Variants in CHMP3 observed in about 807,000 individuals in gnomAD.
CHMP3 encodes charged multivesicular body protein 3.
A neutral mutation model predicts 27.4 loss-of-function variants in CHMP3; 8 were observed. That is an observed-to-expected ratio of 0.29 (90% CI 0.17 to 0.53). The LOEUF is 0.53. CHMP3 is among the 20% of genes least tolerant of loss of function. The pLI is 0.96. For synonymous variants in CHMP3, 86 were observed against 85.5 expected (o/e 1.01, Z -0.03); for missense variants, 208 against 271.5 (o/e 0.77, Z 1.64).
chr2:86,532,365 T>C (rs1350394202), intron 2 of CHMP3, among the ~76,000 whole-genome samples: 1 of 152,148 alleles, frequency 6.6e-6, no homozygotes, highest in Non-Finnish European at 1.5e-5. Context: ...GTATTATACA[T>C]ATAGTATCAG....
intron 3 of CHMP3, chr2:86,511,181 T>C (rs1313989190): frequency 6.6e-6 from 1 of 152,210 alleles, no homozygotes; most frequent in Non-Finnish European, 1.5e-5. Context: ...AGCTGTCATA[T>C]ACAAGCTGTT....
intron 4 of CHMP3, among the ~76,000 whole-genome samples, chr2:86,508,258 G>T (rs1183196585): frequency 6.6e-6 from 1 of 152,176 alleles, no homozygotes; most frequent in Non-Finnish European, 1.5e-5. Flanking sequence ...CAGCCAGTCA[G>T]CCTCCTCTGT....
chr2:86,526,760 G>A (rs1406068916), intron 3 of CHMP3, among the ~76,000 whole-genome samples: 1 of 151,928 alleles, frequency 6.6e-6, no homozygotes, highest in Non-Finnish European at 1.5e-5. Context: ...TATAGAGACA[G>A]GGTTTCATTA....
rs70956121 is a variant in CHMP3, at chr2:86,554,816, C to CGTGTGTGT, written c.45+8480_45+8487dup. On this transcript the variant is annotated intron_variant, in intron 1 of 5. Transcript: ENST00000263856. ...TCAATAGAATAAATGTGTGTGCGCGCGTGTGTGTGTGTGTGTGTGTGTGTG... is the reference window on the plus strand; with the variant it reads ...TCAATAGAATAAATGTGTGTGCGCGCGTGTGTGTGTGTGTGTGTGTGTGTGTGTGTGTG... Among the ~76,000 whole-genome samples, 746 of 145,424 alleles carry CGTGTGTGT rather than the reference C, an allele frequency of 5.1e-3. 3 individuals are homozygous for CGTGTGTGT. The highest frequency in any genetic ancestry group is 9.1e-3 in the East Asian group (46 of 5,046).
rs1674808164 is a variant in CHMP3 at position 86,504,410 on chromosome 2, T to TA, written c.*1393dup. The TA allele has an allele frequency of 1.3e-5, 2 of 151,836 alleles. No homozygotes were observed. Among genetic ancestry groups the TA allele is most frequent in the South Asian group, 4.2e-4 (2 of 4,808 alleles). 9.4% of individuals were successfully genotyped at this position (151,836 alleles called of 1,614,324 possible). A position where few individuals can be genotyped will look rare whatever the true frequency, so the allele number is the denominator to read the frequency against. On this transcript the variant is annotated 3_prime_UTR_variant, in exon 6 of 6. Transcript: ENST00000263856. The stretch of plus-strand genomic sequence containing the variant: ...TTTTGCTGTGAACCTACAACTGATT[T>TA]AAAAAAATAATTATTTAAAATAATT...
intron 2 of CHMP3, among the ~76,000 whole-genome samples, chr2:86,531,741 G>A (rs1036098751): frequency 1.3e-5 from 2 of 152,196 alleles, no homozygotes; most frequent in East Asian, 1.9e-4. Flanking sequence ...CCACTGAATG[G>A]TCTTGCTACC....
At chr2:86,553,546 G>A (rs1676995016) in intron 1 of CHMP3, among the ~76,000 whole-genome samples, 1 of 152,124 alleles carries the variant, frequency 6.6e-6, no homozygotes. Context: ...TGGCCAGGAT[G>A]ATCTCAATCT....
At chr2:86,527,311 C>T (rs1675752972) in intron 3 of CHMP3, 1 of 151,764 alleles carries the variant, frequency 6.6e-6, no homozygotes, top group Non-Finnish European at 1.5e-5. Context: ...ATTACATTAT[C>T]CTCTGCTTTC....
At chr2:86,536,530 T>C (rs976744422) in intron 2 of CHMP3, among the ~76,000 whole-genome samples, 1 of 151,522 alleles carries the variant, frequency 6.6e-6, no homozygotes, top group Non-Finnish European at 1.5e-5. Flanking sequence ...AATCCACTGC[T>C]TTCTGGCCTC....
intron 5 of CHMP3, 63 bp downstream of exon 5, chr2:86,507,416 T>A: frequency 1.4e-6 from 2 of 1,437,442 alleles, no homozygotes; most frequent in Non-Finnish European, 2.0e-6. Context: ...ACTAGCTAAT[T>A]TAGTGAATGA....
chr2:86,520,365 C>G (rs529215162), intron 3 of CHMP3, among the ~76,000 whole-genome samples: 13 of 152,136 alleles, frequency 8.5e-5, no homozygotes, highest in African/African-American at 2.7e-4. Context: ...TCTCCACTGG[C>G]CGGCAGGAGA....
At chr2:86,560,548 G>C (rs771979880) in intron 1 of CHMP3, among the ~76,000 whole-genome samples, 1 of 151,960 alleles carries the variant, frequency 6.6e-6, no homozygotes, top group Admixed American at 6.6e-5. Context: ...ATCACACACC[G>C]GGGCCTGTCA....
chr2:86,517,803 C>T (rs1201619988), intron 3 of CHMP3, among the ~76,000 whole-genome samples: 3 of 152,018 alleles, frequency 2.0e-5, no homozygotes, highest in East Asian at 1.9e-4. Context: ...CCCAGGCAAG[C>T]GGATCACTTG....
intron 1 of CHMP3, among the ~76,000 whole-genome samples, chr2:86,556,607 T>C (rs77459800): frequency 0.045 from 6,877 of 152,140 alleles, 271 homozygotes; most frequent in East Asian, 0.14. Context: ...TAAGTTAGTT[T>C]ACTTAGGCCT....
At chr2:86,531,070 T>C (rs887258600) in intron 2 of CHMP3, among the ~76,000 whole-genome samples, 1 of 152,220 alleles carries the variant, frequency 6.6e-6, no homozygotes, top group Non-Finnish European at 1.5e-5. Flanking sequence ...ATACTCTGAA[T>C]ACAACCTCTC....
chr2:86,521,658 T>A (rs1019613503), intron 3 of CHMP3, among the ~76,000 whole-genome samples: 2 of 152,196 alleles, frequency 1.3e-5, no homozygotes, highest in African/African-American at 4.8e-5. Context: ...TCAAGGTACA[T>A]CATATAAGTG....
At chr2:86,507,348 G>C (rs1674924855) in intron 5 of CHMP3, 131 bp downstream of exon 5, 2 of 709,856 alleles carry the variant, frequency 2.8e-6, no homozygotes, top group Admixed American at 5.2e-5. Context: ...CAAGAAATAA[G>C]CTGCACAGTG....
At chr2:86,515,773 T>G (rs193100484) in intron 3 of CHMP3, among the ~76,000 whole-genome samples, 1 of 152,230 alleles carries the variant, frequency 6.6e-6, no homozygotes, top group Non-Finnish European at 1.5e-5. Flanking sequence ...TGCTCCTACA[T>G]AGAATGAAAG....
At chr2:86,542,445 T>G (rs1337817597) in intron 1 of CHMP3, 133 bp from the exon 2 acceptor site, 1 of 856,408 alleles carries the variant, frequency 1.2e-6, no homozygotes, top group Admixed American at 2.7e-5. Flanking sequence ...AGACAGAGCT[T>G]TAGGGTCAAA....
Sources: gnomAD v4.1 joint callset for allele counts (sites outside exome capture counted in the v4.1 genomes callset) on GRCh38, gnomAD v4.1.1 for gene constraint, MANE v1.5 for transcripts, NCBI Gene and HGNC (gene_info 2026-07-23, HGNC 2026-07-21) for gene names.